Variants in LRRTM4 observed in about 807,000 individuals in gnomAD.
LRRTM4 encodes the protein leucine-rich repeat transmembrane neuronal protein 4.
A neutral mutation model predicts 47.6 loss-of-function variants in LRRTM4; 25 were observed. The ratio of observed to expected loss-of-function variants is 0.53; its 90% confidence interval spans 0.38 to 0.73. LRRTM4 has a LOEUF of 0.73. LRRTM4 is among the 30% of genes least tolerant of loss of function. The probability of loss-of-function intolerance (pLI) is 0.00; values close to 1 mark genes in which losing one functional copy is unlikely to be tolerated. For missense variants in LRRTM4, 638 were observed against 713.4 expected (o/e 0.89, Z 1.20); for synonymous variants, 311 against 269.5 (o/e 1.15, Z -1.51).
intron 3 of LRRTM4, among the ~76,000 whole-genome samples, chr2:77,478,839 A>T (rs1677538275): frequency 6.6e-6 from 1 of 152,212 alleles, no homozygotes; most frequent in Non-Finnish European, 1.5e-5. Context: ...CAAAGTGCTC[A>T]TCTTGATTCA....
Position 77,183,317 on chromosome 2 carries a change from G to T in LRRTM4, c.1551+335001C>A, listed in dbSNP as rs1052302762. Among the ~76,000 whole-genome samples the T allele has an allele frequency of 1.1e-4, 17 of 152,068 alleles. 1 individual carries two copies. The highest frequency in any genetic ancestry group is 2.5e-4 in the Non-Finnish European group (17 of 67,998). On this transcript the variant is annotated intron_variant, in intron 3 of 3. Transcript: ENST00000409884. Reference sequence around the variant, plus strand: ...AAATAAGACATTTATGCAGCCAAACGACACATGAAAAAATGCTCATCATCA... The same window carrying T: ...AAATAAGACATTTATGCAGCCAAACTACACATGAAAAAATGCTCATCATCA...
intron 3 of LRRTM4, among the ~76,000 whole-genome samples, chr2:76,914,795 TTTTG>T (rs1261124886): frequency 6.6e-6 from 1 of 152,234 alleles, no homozygotes; most frequent in East Asian, 1.9e-4. Context: ...GTTTACCTAA[TTTTG>T]TTTCTCACCA....
At chr2:76,784,005 A>C (rs1674534995) in intron 3 of LRRTM4, among the ~76,000 whole-genome samples, 1 of 152,116 alleles carries the variant, frequency 6.6e-6, no homozygotes, top group Non-Finnish European at 1.5e-5. Context: ...TTGCTACTTG[A>C]ATTTTCTATG....
chr2:77,156,825 G>A (rs865972064), intron 3 of LRRTM4, among the ~76,000 whole-genome samples: 24 of 150,280 alleles, frequency 1.6e-4, no homozygotes, highest in African/African-American at 4.9e-4. Flanking sequence ...TGCCACCTCC[G>A]CCTCCCAAAG....
At chr2:77,249,527 A>G (rs1291340058) in intron 3 of LRRTM4, among the ~76,000 whole-genome samples, 9 of 152,032 alleles carry the variant, frequency 5.9e-5, no homozygotes, top group Non-Finnish European at 1.3e-4. Context: ...TAAAAAACAG[A>G]ACATAGAGAT....
chr2:76,873,518 A>ATATATATGTATATATATATATATATATG, intron 3 of LRRTM4, among the ~76,000 whole-genome samples: 1 of 145,734 alleles, frequency 6.9e-6, no homozygotes, highest in African/African-American at 2.5e-5. Flanking sequence ...ATATATATAT[A>ATATATATGTATATATATATATATATATG]TATATATATA....
intron 3 of LRRTM4, among the ~76,000 whole-genome samples, chr2:77,485,673 A>G (rs1327801632): frequency 6.6e-6 from 1 of 152,240 alleles, no homozygotes; most frequent in Non-Finnish European, 1.5e-5. Context: ...TGGAAGCACT[A>G]AACAAAAGTG....
chr2:76,822,425 AG>A (rs1430145427), intron 3 of LRRTM4, among the ~76,000 whole-genome samples: 1 of 151,648 alleles, frequency 6.6e-6, no homozygotes, highest in African/African-American at 2.4e-5. Flanking sequence ...GAGAGTAAAA[AG>A]AAAAAATTTG....
chr2:77,212,460 T>C (rs1176126192), intron 3 of LRRTM4, among the ~76,000 whole-genome samples: 1 of 132,148 alleles, frequency 7.6e-6, no homozygotes. Flanking sequence ...GGAATAATTA[T>C]ATATATATAT....
At chr2:76,790,451 C>T (rs556482004) in intron 3 of LRRTM4, among the ~76,000 whole-genome samples, 8 of 152,118 alleles carry the variant, frequency 5.3e-5, no homozygotes, top group Non-Finnish European at 1.2e-4. Flanking sequence ...TCTTACCTTT[C>T]TAGCAGTATG....
At chr2:76,807,967 T>G (rs1670600120) in intron 3 of LRRTM4, among the ~76,000 whole-genome samples, 1 of 151,010 alleles carries the variant, frequency 6.6e-6, no homozygotes. Context: ...TTCTTTTTCT[T>G]TCCTTCCTTC....
intron 3 of LRRTM4, among the ~76,000 whole-genome samples, chr2:77,488,879 G>A (rs1470647505): frequency 2.6e-5 from 4 of 151,620 alleles, no homozygotes; most frequent in African/African-American, 9.7e-5. Flanking sequence ...CCTATAAAAT[G>A]TCATAAACCA....
At chr2:77,107,032 T>C (rs1671111180) in intron 3 of LRRTM4, among the ~76,000 whole-genome samples, 4 of 152,100 alleles carry the variant, frequency 2.6e-5, no homozygotes, top group Admixed American at 2.0e-4. Flanking sequence ...TCTCAGCAAT[T>C]TTTGTAAGAT....
intron 3 of LRRTM4, among the ~76,000 whole-genome samples, chr2:76,988,262 C>T (rs1374392): frequency 0.35 from 52,316 of 151,586 alleles, 9,847 homozygotes; most frequent in East Asian, 0.58. Flanking sequence ...AATTTCATAG[C>T]AAGTCTCCTT....
chr2:76,935,223 A>G (rs989956745), intron 3 of LRRTM4, among the ~76,000 whole-genome samples: 7 of 152,146 alleles, frequency 4.6e-5, no homozygotes, highest in African/African-American at 1.4e-4. Context: ...GCCAAATTGT[A>G]TATTATATAT....
In LRRTM4 at chr2:76,825,775, T is replaced by G. The variant is rs145959513; in HGVS notation, c.1552-76859A>C. Reference sequence around the variant, plus strand: ...GTGCAAAGGTCGAGCTGCAGAAGGTTTGGAACTGAGCCTGGAGCACTAAAA... The same window carrying G: ...GTGCAAAGGTCGAGCTGCAGAAGGTGTGGAACTGAGCCTGGAGCACTAAAA... On this transcript the variant is annotated intron_variant, in intron 3 of 3. Transcript: ENST00000409884. Among the ~76,000 whole-genome samples the G allele has an allele frequency of 2.5e-3, 378 of 151,584 alleles. 2 individuals carry two copies. The highest frequency in any genetic ancestry group is 8.7e-3 in the African/African-American group (362 of 41,414).
intron 3 of LRRTM4, among the ~76,000 whole-genome samples, chr2:77,066,415 G>A (rs1679958454): frequency 6.6e-6 from 1 of 152,210 alleles, no homozygotes; most frequent in African/African-American, 2.4e-5. Flanking sequence ...ACAGCTACCT[G>A]TGGTCATTGA....
intron 3 of LRRTM4, among the ~76,000 whole-genome samples, chr2:77,273,270 C>T (rs1676255274): frequency 6.6e-6 from 1 of 152,094 alleles, no homozygotes; most frequent in African/African-American, 2.4e-5. Flanking sequence ...GCATAAATTA[C>T]ATAGAAGACC....
At chr2:76,986,277 C>T (rs1195152425) in intron 3 of LRRTM4, among the ~76,000 whole-genome samples, 1 of 150,032 alleles carries the variant, frequency 6.7e-6, no homozygotes, top group Non-Finnish European at 1.5e-5. Flanking sequence ...CTTTCTTCTG[C>T]TATTGATTAC....
Sources: allele counts gnomAD v4.1 joint callset (sites outside exome capture counted in the v4.1 genomes callset), GRCh38; gene constraint gnomAD v4.1.1; transcripts MANE v1.5; gene names NCBI Gene and HGNC (gene_info 2026-07-23, HGNC 2026-07-21).